SLC39A12: variants seen among roughly 807,000 people sequenced by gnomAD.
SLC39A12 encodes zinc transporter ZIP12.
SLC39A12 carries 63 observed loss-of-function variants against 71.1 expected under a neutral mutation model. The observed-to-expected ratio is 0.89, with a 90% CI of 0.72 to 1.09. The LOEUF is 1.09. SLC39A12 is among the 50% of genes least tolerant of loss of function. The pLI is 0.00. For missense variants in SLC39A12, 892 were observed against 812.6 expected (o/e 1.10, Z -1.19); for synonymous variants, 351 against 301.3 (o/e 1.16, Z -1.71).
intron 12 of SLC39A12, among the ~76,000 whole-genome samples, chr10:18,020,802 T>A (rs1421760291): frequency 1.3e-5 from 2 of 152,076 alleles, no homozygotes; most frequent in African/African-American, 4.8e-5. Context: ...CCTTTGCTCA[T>A]TTTTTAATGG....
intron 12 of SLC39A12, among the ~76,000 whole-genome samples, chr10:18,028,396 G>A (rs966626780): frequency 6.6e-6 from 1 of 152,178 alleles, no homozygotes; most frequent in African/African-American, 2.4e-5. Context: ...ATTTGATAAT[G>A]GGTCTTTAGT....
At position 17,991,346 on chromosome 10, in the gene SLC39A12, T is replaced by A. The variant is rs776559919; in HGVS notation, c.1422+43T>A. ...ATTTGTCTTGTGCTTTAAAGTCTTA[T>A]AATACATTCATCTGTTCCTTCACAA... is the stretch of plus-strand genomic sequence containing the variant. On this transcript the variant is annotated intron_variant, in intron 8 of 12. Coordinates refer to ENST00000377369, the MANE Select transcript of SLC39A12 (RefSeq NM_001145195.2). 2.7e-6 allele frequency: 4 copies of A among 1,471,886 alleles called. No homozygotes were observed. In the African/African-American group the frequency reaches 4.3e-5, roughly 16 times the overall value. The allele number at this position is 1,471,886 out of a possible 1,614,324, so 91.2% of individuals were successfully genotyped here. A position where few individuals can be genotyped will look rare whatever the true frequency, so the allele number is the denominator to read the frequency against.
intron 12 of SLC39A12, among the ~76,000 whole-genome samples, chr10:18,020,917 G>A (rs1242275878): frequency 6.6e-6 from 1 of 152,018 alleles, no homozygotes; most frequent in Non-Finnish European, 1.5e-5. Flanking sequence ...CATTCTGTAG[G>A]CTGTCTGTTT....
At chr10:18,001,405 T>C (rs1835830609) in intron 11 of SLC39A12, among the ~76,000 whole-genome samples, 1 of 151,976 alleles carries the variant, frequency 6.6e-6, no homozygotes, top group Non-Finnish European at 1.5e-5. Context: ...CCCCAGCTAC[T>C]TGGGAGGCTG....
chr10:18,035,415 T>C (rs1313852103), intron 12 of SLC39A12, among the ~76,000 whole-genome samples: 3 of 138,142 alleles, frequency 2.2e-5, no homozygotes, highest in Non-Finnish European at 4.6e-5. Context: ...CCATCGCTGA[T>C]ACCCTTTCTT....
chr10:18,042,032 G>C (rs544891698), intron 12 of SLC39A12, among the ~76,000 whole-genome samples: 2 of 151,656 alleles, frequency 1.3e-5, no homozygotes, highest in East Asian at 3.9e-4. Flanking sequence ...ATGTATATAT[G>C]CCTTACATCA....
chr10:17,993,053 C>G, intron 8 of SLC39A12, 128 bp from the exon 9 acceptor site: 2 of 557,676 alleles, frequency 3.6e-6, no homozygotes, highest in Non-Finnish European at 6.3e-6. Flanking sequence ...ATTCTTAAAG[C>G]ATCCCAGTTC....
chr10:18,036,771 TATATA>T (rs1837045338), intron 12 of SLC39A12, among the ~76,000 whole-genome samples: 3 of 47,020 alleles, frequency 6.4e-5, no homozygotes, highest in African/African-American at 2.5e-4. Context: ...TATATATATA[TATATA>T]TATATATATA....
intron 10 of SLC39A12, among the ~76,000 whole-genome samples, chr10:17,999,123 C>T (rs1422804110): frequency 6.6e-6 from 1 of 151,720 alleles, no homozygotes; most frequent in Non-Finnish European, 1.5e-5. Context: ...TGGTGAAACC[C>T]CGTCTCTACT....
chr10:18,015,398 A>AT (rs1315172609), intron 12 of SLC39A12, among the ~76,000 whole-genome samples: 31 of 151,750 alleles, frequency 2.0e-4, no homozygotes, highest in African/African-American at 6.3e-4. Context: ...TACTCAAAAG[A>AT]TGTTTTTTTC....
chr10:17,992,906 G>A (rs192563957), intron 8 of SLC39A12, among the ~76,000 whole-genome samples: 84 of 152,160 alleles, frequency 5.5e-4, no homozygotes, highest in Admixed American at 9.8e-4. Context: ...TTATCATTGC[G>A]GTATCTCCAT....
chr10:17,994,146 A>G (rs1835625896), intron 9 of SLC39A12, among the ~76,000 whole-genome samples: 1 of 152,180 alleles, frequency 6.6e-6, no homozygotes, highest in African/African-American at 2.4e-5. Flanking sequence ...TTGAAAAAAG[A>G]TAACTTCAGG....
chr10:17,990,356 A>G (rs1247832129), intron 7 of SLC39A12, among the ~76,000 whole-genome samples: 5 of 152,188 alleles, frequency 3.3e-5, no homozygotes, highest in Non-Finnish European at 7.4e-5. Flanking sequence ...GTACACATAT[A>G]TGTATGAATG....
At chr10:17,993,739 G>A (rs1481016652) in intron 9 of SLC39A12, among the ~76,000 whole-genome samples, 1 of 152,176 alleles carries the variant, frequency 6.6e-6, no homozygotes, top group East Asian at 1.9e-4. Context: ...CCAATGAGAA[G>A]TTTCATAGTA....
At chr10:17,955,766 A>T (rs1429510075) in intron 2 of SLC39A12, among the ~76,000 whole-genome samples, 1 of 152,242 alleles carries the variant, frequency 6.6e-6, no homozygotes, top group Non-Finnish European at 1.5e-5. Flanking sequence ...GCACATTTAA[A>T]ATAAATTCAG....
chr10:18,000,638 GCTT>G, intron 10 of SLC39A12, 26 bp from the exon 11 acceptor site: 3 of 1,612,288 alleles, frequency 1.9e-6, no homozygotes, highest in African/African-American at 1.3e-5. Context: ...CTCTGTTAAT[GCTT>G]CTTCTGTGTT....
At chr10:17,989,446 G>A (rs1835484392) in intron 7 of SLC39A12, among the ~76,000 whole-genome samples, 1 of 151,790 alleles carries the variant, frequency 6.6e-6, no homozygotes, top group African/African-American at 2.4e-5. Flanking sequence ...TAGCAGAATT[G>A]TTTACTGCCC....
At chr10:18,003,672 T>A (rs1052665785) in intron 12 of SLC39A12, among the ~76,000 whole-genome samples, 1 of 152,224 alleles carries the variant, frequency 6.6e-6, no homozygotes, top group East Asian at 1.9e-4. Context: ...CAAAAAGTAA[T>A]CATCAGCTCA....
At chr10:17,975,651 C>T (rs1835090543) in intron 4 of SLC39A12, among the ~76,000 whole-genome samples, 1 of 152,156 alleles carries the variant, frequency 6.6e-6, no homozygotes, top group Non-Finnish European at 1.5e-5. Context: ...AGGGGTAATA[C>T]CAGCATTGTT....
Sources: gnomAD v4.1 joint callset for allele counts (sites outside exome capture counted in the v4.1 genomes callset) on GRCh38, gnomAD v4.1.1 for gene constraint, MANE v1.5 for transcripts, NCBI Gene and HGNC (gene_info 2026-07-23, HGNC 2026-07-21) for gene names.